Variants in USP24 observed in about 807,000 individuals in gnomAD.
The protein encoded by USP24 is ubiquitin carboxyl-terminal hydrolase 24.
In USP24, 97 loss-of-function variants were observed where a neutral mutation model predicts 361.6. That is an observed-to-expected ratio of 0.27 (90% CI 0.23 to 0.32). USP24 has a LOEUF of 0.32. Ranked by LOEUF, USP24 falls within the 10% of genes least tolerant of loss-of-function variation. The pLI, the probability that USP24 is intolerant of heterozygous loss-of-function variation, is 1.00. For synonymous variants in USP24, 1,098 were observed against 1,124.6 expected, an observed-to-expected ratio of 0.98 and a Z score of 0.47; for missense variants, 2,353 against 3,165.6, an observed-to-expected ratio of 0.74 and a Z score of 6.16.
At chr1:55,106,500 T>C (rs935600011) in intron 40 of USP24, among the ~76,000 whole-genome samples, 5 of 152,170 alleles carry the variant, frequency 3.3e-5, no homozygotes, top group Non-Finnish European at 5.9e-5. Context: ...TTTATGGGCT[T>C]ACAATACAGT....
In USP24 at chr1:55,138,727, A is replaced by G. The variant is rs1241269445; in HGVS notation, c.2818-9T>C. 6.3e-7 allele frequency: 1 copy of G among 1,596,048 alleles called. No homozygotes were observed. The highest frequency in any genetic ancestry group is 1.7e-5 in the Admixed American group (1 of 59,346). On this transcript the variant is annotated splice_polypyrimidine_tract_variant and intron_variant, in intron 25 of 67. Coordinates refer to ENST00000294383, the MANE Select transcript of USP24 (RefSeq NM_015306.3). ...GGAACAGAGTAAAAATCCTTAAAAAACGAATAAGTCAAGTCAGATGGACAG... is the reference window on the plus strand; with the variant it reads ...GGAACAGAGTAAAAATCCTTAAAAAGCGAATAAGTCAAGTCAGATGGACAG...
At chr1:55,156,896 C>A in intron 12 of USP24, 52 bp downstream of exon 12, 2 of 1,341,168 alleles carry the variant, frequency 1.5e-6, no homozygotes, top group South Asian at 2.4e-5. Context: ...TTTTCGCTCT[C>A]CTGTAGTCCA....
intron 44 of USP24, 62 bp downstream of exon 44, chr1:55,100,777 A>G (rs1025018448): frequency 1.3e-6 from 2 of 1,487,348 alleles, no homozygotes; most frequent in Non-Finnish European, 1.8e-6. Flanking sequence ...CATTACCATT[A>G]GAGAAAGAAT....
intron 28 of USP24, among the ~76,000 whole-genome samples, chr1:55,135,063 A>G (rs1429031664): frequency 3.9e-5 from 6 of 152,216 alleles, no homozygotes; most frequent in Non-Finnish European, 8.8e-5. Flanking sequence ...AAACTTGAAG[A>G]TACTATGTAC....
intron 32 of USP24, among the ~76,000 whole-genome samples, chr1:55,127,898 G>A (rs1304281288): frequency 2.0e-5 from 3 of 151,910 alleles, no homozygotes; most frequent in Non-Finnish European, 4.4e-5. Flanking sequence ...ATGCCCTGAC[G>A]CTACCTTCCT....
At chr1:55,139,878 TC>T (rs1646839621) in intron 24 of USP24, among the ~76,000 whole-genome samples, 1 of 152,102 alleles carries the variant, frequency 6.6e-6, no homozygotes, top group Admixed American at 6.6e-5. Context: ...AACTTGAAAT[TC>T]AGACGAAAAA....
chr1:55,125,771 G>T lies in USP24; in HGVS notation c.3636-13C>A, dbSNP rs776684183. The T allele has an allele frequency of 9.7e-6, 15 of 1,542,634 alleles. No individual in the cohort carries two copies. Among genetic ancestry groups the T allele is most frequent in the Non-Finnish European group, 1.3e-5 (15 of 1,144,452 alleles). On this transcript the variant is annotated splice_polypyrimidine_tract_variant and intron_variant, in intron 32 of 67. Transcript: ENST00000294383. ...ATTTACAACCAAACTTCAAAAAGAA[G>T]AAAAAAAGGCAGGATATTAAAGACT...
intron 31 of USP24, 136 bp downstream of exon 31, chr1:55,132,409 C>G: frequency 9.0e-7 from 1 of 1,111,366 alleles, no homozygotes. Flanking sequence ...AATTTATAAT[C>G]TATTTCTTAA....
chr1:55,181,836 A>G (rs1477899581), intron 1 of USP24, among the ~76,000 whole-genome samples: 2 of 152,210 alleles, frequency 1.3e-5, no homozygotes, highest in Non-Finnish European at 2.9e-5. Flanking sequence ...CAATGTGACT[A>G]TATTTGGAGA....
At chr1:55,155,530 C>T (rs760584258) in intron 12 of USP24, among the ~76,000 whole-genome samples, 3 of 152,128 alleles carry the variant, frequency 2.0e-5, no homozygotes, top group Non-Finnish European at 4.4e-5. Context: ...AATTTATACT[C>T]GCAAAACAAA....
chr1:55,134,450 A>T, intron 28 of USP24, 37 bp from the exon 29 acceptor site: 2 of 1,540,184 alleles, frequency 1.3e-6, no homozygotes, highest in East Asian at 2.3e-5. Flanking sequence ...TCAAATTTAC[A>T]AAAGAATGTT....
chr1:55,158,377 A>G (rs1026157278), intron 10 of USP24, among the ~76,000 whole-genome samples: 5 of 152,268 alleles, frequency 3.3e-5, no homozygotes, highest in Non-Finnish European at 5.9e-5. Context: ...TAAGTGAATT[A>G]TAACTGAACT....
At chr1:55,112,543 T>C (rs962890553) in intron 38 of USP24, among the ~76,000 whole-genome samples, 2 of 152,232 alleles carry the variant, frequency 1.3e-5, no homozygotes, top group Non-Finnish European at 2.9e-5. Flanking sequence ...CCAGTAGTCA[T>C]TCAGGAGCAG....
chr1:55,214,780 C>T lies in USP24; in HGVS notation c.324+10G>A, dbSNP rs1644943755. On this transcript the variant is annotated intron_variant, in intron 1 of 67. Transcript: ENST00000294383. ...GCTTCCCACAGAGGTCTGGGGTTGC[C>T]CCTCCTCACCTCCGCGTCCACCACC... The T allele has an allele frequency of 1.6e-6, 2 of 1,223,914 alleles. No individual in the cohort carries two copies. Among genetic ancestry groups the T allele is most frequent in the African/African-American group, 1.6e-5 (1 of 63,396 alleles). The allele number at this position is 1,223,914 out of a possible 1,614,324, so 75.8% of individuals were successfully genotyped here.
chr1:55,160,175 A>G (rs1003003232), intron 8 of USP24, among the ~76,000 whole-genome samples: 16 of 152,236 alleles, frequency 1.1e-4, no homozygotes, highest in African/African-American at 3.6e-4. Flanking sequence ...AGTATGTGAG[A>G]ATGGTAAAGT....
intron 8 of USP24, 128 bp from the exon 9 acceptor site, chr1:55,159,813 C>A: frequency 5.2e-6 from 4 of 770,680 alleles, no homozygotes; most frequent in Non-Finnish European, 8.3e-6. Flanking sequence ...CATATCAGAG[C>A]AGCTACTAAC....
chr1:55,076,871 G>A lies in USP24; in HGVS notation c.7380+364C>T, dbSNP rs539456893. ...TTTGATAAACTATAAAGCCAGAAATGTACCTCTGAGGGTGACTGTGAAGTT... is the reference window on the plus strand; with the variant it reads ...TTTGATAAACTATAAAGCCAGAAATATACCTCTGAGGGTGACTGTGAAGTT... On this transcript the variant is annotated intron_variant, in intron 62 of 67. Coordinates refer to ENST00000294383, the MANE Select transcript of USP24 (RefSeq NM_015306.3). 2.6e-5 allele frequency among the ~76,000 whole-genome samples: 4 copies of A among 152,302 alleles called. No homozygotes were observed. In the East Asian group the frequency reaches 7.7e-4, roughly 29 times the overall value.
intron 31 of USP24, among the ~76,000 whole-genome samples, chr1:55,130,485 A>G (rs1646559117): frequency 6.6e-6 from 1 of 152,210 alleles, no homozygotes; most frequent in African/African-American, 2.4e-5. Flanking sequence ...CTTAAACTAG[A>G]TGTAGTTCAA....
intron 66 of USP24, 97 bp from the exon 67 acceptor site, chr1:55,072,021 G>A: frequency 9.1e-7 from 1 of 1,103,734 alleles, no homozygotes; most frequent in African/African-American, 1.6e-5. Flanking sequence ...CCTTCAGTGG[G>A]ACCGGAGGCC....
Sources: gnomAD v4.1 joint callset for allele counts (sites outside exome capture counted in the v4.1 genomes callset) on GRCh38, gnomAD v4.1.1 for gene constraint, MANE v1.5 for transcripts, NCBI Gene and HGNC (gene_info 2026-07-23, HGNC 2026-07-21) for gene names.